OR2L13: variants seen among roughly 807,000 people sequenced by gnomAD.
OR2L13 encodes olfactory receptor 2L13.
OR2L13 carries 14 observed loss-of-function variants against 15.3 expected under a neutral mutation model. That is an observed-to-expected ratio of 0.91 (90% CI 0.60 to 1.43). The LOEUF (loss-of-function observed/expected upper bound fraction) is 1.43, where lower values mean the gene tolerates loss of function less well. Among genes scored for constraint, OR2L13 ranks in the 40% most tolerant of loss-of-function variants. The pLI is 0.00. For synonymous variants in OR2L13, 152 were observed against 142.9 expected, an observed-to-expected ratio of 1.06 and a Z score of -0.45; for missense variants, 367 against 387.9, an observed-to-expected ratio of 0.95 and a Z score of 0.45.
the OR2L13 span, among the ~76,000 whole-genome samples, chr1:248,035,050 C>CT: frequency 0.014 from 2,040 of 140,730 alleles, 35 homozygotes; most frequent in African/African-American, 0.036. Context: ...TTATCTTTCC[C>CT]TTTTTTTTTT....
chr1:247,984,601 G>A, the OR2L13 span, among the ~76,000 whole-genome samples: 1 of 152,014 alleles, frequency 6.6e-6, no homozygotes, highest in Non-Finnish European at 1.5e-5. Context: ...ATTACCAGAG[G>A]TCATAAAATA....
chr1:248,024,443 TCTTTA>T, the OR2L13 span, among the ~76,000 whole-genome samples: 10 of 152,330 alleles, frequency 6.6e-5, no homozygotes, highest in East Asian at 1.9e-4. Flanking sequence ...CTACATTTTG[TCTTTA>T]CTTGTATAAA....
At chr1:247,958,316 A>G in the OR2L13 span, among the ~76,000 whole-genome samples, 3 of 152,140 alleles carry the variant, frequency 2.0e-5, no homozygotes, top group African/African-American at 7.2e-5. Context: ...ACAGTTTGTT[A>G]TAATTTCTGT....
chr1:248,034,948 T>G, the OR2L13 span, among the ~76,000 whole-genome samples: 1 of 152,236 alleles, frequency 6.6e-6, no homozygotes, highest in African/African-American at 2.4e-5. Context: ...CAGTTTTCTT[T>G]GCGTGGAGTC....
the OR2L13 span, among the ~76,000 whole-genome samples, chr1:248,027,196 G>A: frequency 1.3e-5 from 2 of 152,168 alleles, no homozygotes; most frequent in East Asian, 3.9e-4. Flanking sequence ...GACGAAATAA[G>A]CCCCAGTCTC....
At chr1:248,064,844 T>C in the OR2L13 span, among the ~76,000 whole-genome samples, 7 of 152,120 alleles carry the variant, frequency 4.6e-5, no homozygotes, top group Non-Finnish European at 8.8e-5. Flanking sequence ...TGAATGGAGA[T>C]AAAGAGGTCA....
At chr1:248,022,555 C>G in the OR2L13 span, 1 of 1,614,168 alleles carries the variant, frequency 6.2e-7, no homozygotes, top group African/African-American at 1.3e-5. Context: ...TTGAGCAGCA[C>G]CATCTTTCTT....
chr1:247,958,460 G>A, the OR2L13 span, among the ~76,000 whole-genome samples: 2 of 152,144 alleles, frequency 1.3e-5, no homozygotes, highest in African/African-American at 4.8e-5. Flanking sequence ...TATTAGGTCC[G>A]CTTGGTGCAG....
the OR2L13 span, among the ~76,000 whole-genome samples, chr1:247,973,386 C>A: frequency 6.6e-6 from 1 of 152,148 alleles, no homozygotes; most frequent in African/African-American, 2.4e-5. Context: ...TCCCCATCAT[C>A]TCCACCCAAA....
the OR2L13 span, among the ~76,000 whole-genome samples, chr1:248,074,138 ATAAAT>A: frequency 6.6e-6 from 1 of 152,132 alleles, no homozygotes; most frequent in Non-Finnish European, 1.5e-5. Context: ...ACTGAATAAA[ATAAAT>A]TAAAAACATT....
chr1:247,970,967 G>T, the OR2L13 span, among the ~76,000 whole-genome samples: 111 of 152,216 alleles, frequency 7.3e-4, no homozygotes, highest in African/African-American at 2.6e-3. Flanking sequence ...TTTGTTGTTT[G>T]GGAGATGGCA....
At chr1:247,982,483 G>A in the OR2L13 span, among the ~76,000 whole-genome samples, 1,968 of 152,304 alleles carry the variant, frequency 0.013, 34 homozygotes, top group African/African-American at 0.044. Context: ...ATGCAATGAT[G>A]CATTCTGACT....
the OR2L13 span, among the ~76,000 whole-genome samples, chr1:248,070,962 T>G: frequency 2.2e-4 from 33 of 152,252 alleles, no homozygotes; most frequent in Non-Finnish European, 4.7e-4. Flanking sequence ...GATAACAGGC[T>G]CTGAAATTGT....
chr1:248,048,258 C>A, the OR2L13 span, among the ~76,000 whole-genome samples: 82 of 152,314 alleles, frequency 5.4e-4, no homozygotes, highest in Non-Finnish European at 6.5e-4. Flanking sequence ...ACTTTATATT[C>A]TTTACTCCTT....
At chr1:247,972,860 T>C in the OR2L13 span, among the ~76,000 whole-genome samples, 7 of 152,136 alleles carry the variant, frequency 4.6e-5, no homozygotes, top group Admixed American at 6.6e-5. Flanking sequence ...CAATGAACAT[T>C]GATGTGAAAA....
At chr1:248,097,098 G>A (rs1020551921), upstream of OR2L13, among the ~76,000 whole-genome samples, 1 of 152,186 alleles carries the variant, frequency 6.6e-6, no homozygotes, top group African/African-American at 2.4e-5. Context: ...GAGACTTGCT[G>A]ATAAATAACT....
the OR2L13 span, among the ~76,000 whole-genome samples, chr1:248,069,927 A>G: frequency 6.6e-6 from 1 of 152,186 alleles, no homozygotes; most frequent in Non-Finnish European, 1.5e-5. Flanking sequence ...AGAGCTAACT[A>G]TCCTAAATAT....
chr1:248,021,898 A>G, the OR2L13 span: 2 of 1,462,620 alleles, frequency 1.4e-6, no homozygotes, highest in African/African-American at 1.4e-5. Context: ...GAACTACTGT[A>G]CTTGACTTAC....
exon 3 of OR2L13, chr1:248,100,317 A>G: frequency 2.6e-6 from 4 of 1,550,316 alleles, no homozygotes; most frequent in Non-Finnish European, 2.7e-6. Flanking sequence ...AAGAATAATC[A>G]TGGCCATCCC....
Sources: gnomAD v4.1 joint callset for allele counts (sites outside exome capture counted in the v4.1 genomes callset) on GRCh38, gnomAD v4.1.1 for gene constraint, MANE v1.5 for transcripts, NCBI Gene and HGNC (gene_info 2026-07-23, HGNC 2026-07-21) for gene names.